The following ATRNL1 variants were observed in gnomAD, a reference collection of about 807,000 sequenced individuals.
ATRNL1 encodes attractin-like protein 1.
In ATRNL1, 95 loss-of-function variants were observed where a neutral mutation model predicts 182.7. The observed-to-expected ratio is 0.52, with a 90% CI of 0.44 to 0.62. The LOEUF is 0.62. Ranked by LOEUF, ATRNL1 falls within the 20% of genes least tolerant of loss-of-function variation. The probability of loss-of-function intolerance (pLI) is 0.00; values close to 1 mark genes in which losing one functional copy is unlikely to be tolerated. For synonymous variants in ATRNL1, 576 were observed against 568.3 expected (o/e 1.01, Z -0.19); for missense variants, 1,471 against 1,679.5 (o/e 0.88, Z 2.17).
chr10:115,213,970 A>C (rs1459488866), intron 8 of ATRNL1, among the ~76,000 whole-genome samples: 1 of 151,966 alleles, frequency 6.6e-6, no homozygotes, highest in African/African-American at 2.4e-5. Flanking sequence ...TAAATGGGAC[A>C]CAGAATGATG....
At chr10:115,588,371 A>G (rs1855698834) in intron 26 of ATRNL1, among the ~76,000 whole-genome samples, 2 of 152,198 alleles carry the variant, frequency 1.3e-5, no homozygotes, top group Admixed American at 1.3e-4. Context: ...TAGAGAGGTC[A>G]GAGCATTGTT....
intron 25 of ATRNL1, among the ~76,000 whole-genome samples, chr10:115,541,324 T>G (rs1002024688): frequency 2.0e-5 from 3 of 152,188 alleles, no homozygotes; most frequent in Non-Finnish European, 4.4e-5. Context: ...AACTTAATTT[T>G]TATCTGGGAA....
chr10:115,295,688 G>A (rs1554922355), intron 15 of ATRNL1, among the ~76,000 whole-genome samples: 1 of 152,048 alleles, frequency 6.6e-6, no homozygotes, highest in Non-Finnish European at 1.5e-5. Flanking sequence ...TGACTGGCTT[G>A]GCTGGCTCAA....
chr10:115,304,712 C>T (rs1430129902), intron 17 of ATRNL1, among the ~76,000 whole-genome samples: 3 of 152,046 alleles, frequency 2.0e-5, no homozygotes, highest in African/African-American at 2.4e-5. Context: ...CCCACCCTAG[C>T]CTTTTAATAT....
chr10:115,634,144 A>T (rs1858711093), intron 26 of ATRNL1, among the ~76,000 whole-genome samples: 1 of 152,154 alleles, frequency 6.6e-6, no homozygotes, highest in African/African-American at 2.4e-5. Context: ...AAAGTAAGCC[A>T]AACTAGTTTT....
chr10:115,239,244 A>G (rs1471258530), intron 9 of ATRNL1, among the ~76,000 whole-genome samples: 1 of 151,496 alleles, frequency 6.6e-6, no homozygotes, highest in Non-Finnish European at 1.5e-5. Context: ...ATTTTATTTT[A>G]TTTTTTGTGA....
At chr10:115,220,259 T>C (rs1202557523) in intron 9 of ATRNL1, 1 of 152,252 alleles carries the variant, frequency 6.6e-6, no homozygotes, top group Non-Finnish European at 1.5e-5. Flanking sequence ...CTACTAAGAA[T>C]GATGCTCTTA....
intron 19 of ATRNL1, among the ~76,000 whole-genome samples, chr10:115,373,590 A>G (rs1857506712): frequency 6.6e-6 from 1 of 151,984 alleles, no homozygotes; most frequent in South Asian, 2.1e-4. Context: ...ATTCTGTCAA[A>G]TAGTTGTTCT....
chr10:115,216,380 G>GT (rs1554896249), intron 9 of ATRNL1, among the ~76,000 whole-genome samples: 2 of 152,094 alleles, frequency 1.3e-5, no homozygotes, highest in Non-Finnish European at 2.9e-5. Context: ...CACCAACAGG[G>GT]TATGTGTCCC....
chr10:115,249,264 G>GA (rs1193661378), intron 10 of ATRNL1, among the ~76,000 whole-genome samples: 1 of 152,042 alleles, frequency 6.6e-6, no homozygotes, highest in Non-Finnish European at 1.5e-5. Flanking sequence ...AAAGTGCTGG[G>GA]ATTACATGCG....
At chr10:115,896,202 T>C (rs1380711562) in intron 28 of ATRNL1, among the ~76,000 whole-genome samples, 1 of 152,238 alleles carries the variant, frequency 6.6e-6, no homozygotes, top group African/African-American at 2.4e-5. Flanking sequence ...CTTCCTAATA[T>C]GTATTCTGAG....
chr10:115,589,865 G>A (rs144797355), intron 26 of ATRNL1, among the ~76,000 whole-genome samples: 1 of 152,262 alleles, frequency 6.6e-6, no homozygotes, highest in African/African-American at 2.4e-5. Context: ...ATCATGGTTA[G>A]TACCAGTTTT....
At chr10:115,864,061 C>G (rs1035044270) in intron 28 of ATRNL1, among the ~76,000 whole-genome samples, 3 of 152,120 alleles carry the variant, frequency 2.0e-5, no homozygotes, top group Non-Finnish European at 4.4e-5. Flanking sequence ...TAGTTCGAGA[C>G]CAGCCCGGTC....
intron 26 of ATRNL1, among the ~76,000 whole-genome samples, chr10:115,599,821 A>G (rs529184063): frequency 4.3e-4 from 66 of 152,342 alleles, no homozygotes; most frequent in African/African-American, 1.5e-3. Context: ...TAAAAAATCA[A>G]TATTATAAAA....
chr10:115,835,460 G>C (rs1229009826), intron 27 of ATRNL1, among the ~76,000 whole-genome samples: 5 of 152,126 alleles, frequency 3.3e-5, no homozygotes, highest in Non-Finnish European at 5.9e-5. Context: ...AGAATTGCCA[G>C]CCAAGGTAGG....
intron 21 of ATRNL1, among the ~76,000 whole-genome samples, chr10:115,455,237 G>A (rs1847464603): frequency 6.6e-6 from 1 of 152,062 alleles, no homozygotes; most frequent in South Asian, 2.1e-4. Flanking sequence ...CAGAGATAAA[G>A]CCTACTTGAT....
In ATRNL1 at chr10:115,469,240, T is replaced by A; in HGVS notation, c.3565T>A (p.Phe1189Ile). Residue 1189 changes from phenylalanine to isoleucine, a missense_variant, in exon 24 of 29, where the codon TTT becomes ATT. This residue lies in a region of ATRNL1 where 437 missense variants were observed against 506.0 expected (regional missense o/e 0.86). Coordinates refer to ENST00000355044, the MANE Select transcript of ATRNL1 (RefSeq NM_207303.4). ...KNNIKEYRDS[F>I]SYEKFNFRSN... is the part of the protein sequence containing the mutation. Reference sequence around the variant, plus strand: ...TAATATAAAGGAATACAGAGATAGTTTTTCCTATGAAAAATTTAACTTTAG... The same window carrying A: ...TAATATAAAGGAATACAGAGATAGTATTTCCTATGAAAAATTTAACTTTAG... The A allele has an allele frequency of 1.3e-6, 2 of 1,497,918 alleles. No homozygotes were observed. The highest frequency in any genetic ancestry group is 3.5e-4 in the Middle Eastern group (2 of 5,682). The allele number at this position is 1,497,918 out of a possible 1,614,324, so 92.8% of individuals were successfully genotyped here.
At chr10:115,376,053 C>G (rs1554949457) in intron 19 of ATRNL1, among the ~76,000 whole-genome samples, 1 of 151,768 alleles carries the variant, frequency 6.6e-6, no homozygotes, top group East Asian at 1.9e-4. Context: ...TTTTGTGTGT[C>G]TTGAAATGTG....
At chr10:115,730,535 A>G (rs2134070162) in intron 27 of ATRNL1, among the ~76,000 whole-genome samples, 1 of 151,922 alleles carries the variant, frequency 6.6e-6, no homozygotes, top group East Asian at 1.9e-4. Context: ...TTTTTCTCCA[A>G]TGTGTCCATA....
Sources: gnomAD v4.1 joint callset for allele counts (sites outside exome capture counted in the v4.1 genomes callset) on GRCh38, gnomAD v4.1.1 for gene constraint, gnomAD v4.1.1 regional missense constraint, MANE v1.5 for transcripts, NCBI Gene and HGNC (gene_info 2026-07-23, HGNC 2026-07-21) for gene names.